WWOX: variants seen among roughly 807,000 people sequenced by gnomAD.
The protein encoded by WWOX is WW domain containing oxidoreductase.
A neutral mutation model predicts 46.2 loss-of-function variants in WWOX; 69 were observed. That is an observed-to-expected ratio of 1.49 (90% CI 1.23 to 1.82). The LOEUF (loss-of-function observed/expected upper bound fraction) is 1.82, where lower values mean the gene tolerates loss of function less well. WWOX is among the 40% of genes most tolerant of loss of function. WWOX has a pLI of 0.00. For synonymous variants in WWOX, 359 were observed against 202.6 expected, an observed-to-expected ratio of 1.77 and a Z score of -6.56; for missense variants, 919 against 542.6, an observed-to-expected ratio of 1.69 and a Z score of -6.89.
At chr16:78,106,099 G>T (rs1055761998) in intron 1 of WWOX, among the ~76,000 whole-genome samples, 3 of 152,182 alleles carry the variant, frequency 2.0e-5, no homozygotes, top group Admixed American at 6.5e-5. Flanking sequence ...ACCGTACCCC[G>T]CCACTCCATG....
chr16:78,791,813 G>A (rs949827118), intron 8 of WWOX, among the ~76,000 whole-genome samples: 3 of 152,150 alleles, frequency 2.0e-5, no homozygotes, highest in Non-Finnish European at 2.9e-5. Flanking sequence ...CGGAGAGGCA[G>A]AGGTTGCAGT....
At chr16:78,970,789 C>T (rs1346444615) in intron 8 of WWOX, among the ~76,000 whole-genome samples, 1 of 152,090 alleles carries the variant, frequency 6.6e-6, no homozygotes, top group Non-Finnish European at 1.5e-5. Flanking sequence ...GCAACTAAAC[C>T]CAGCTTTTGG....
intron 8 of WWOX, among the ~76,000 whole-genome samples, chr16:79,014,312 GGGGTGGTTCTGCT>G (rs1440170774): frequency 6.6e-6 from 1 of 152,146 alleles, no homozygotes; most frequent in Non-Finnish European, 1.5e-5. Context: ...ATGCTTTCCT[GGGGTGGTTCTGCT>G]GGCAGTCGGG....
chr16:79,132,945 C>T lies in WWOX; in HGVS notation c.1057-78663C>T, dbSNP rs943808672. On this transcript the variant is annotated intron_variant, in intron 8 of 8. Transcript: ENST00000566780. ...GGGGCTTCTTGGCTGATCTGAGTTTCGCCTCCTCGATCTTGCCTGGGTCTG... is the reference window on the plus strand; with the variant it reads ...GGGGCTTCTTGGCTGATCTGAGTTTTGCCTCCTCGATCTTGCCTGGGTCTG... Among the ~76,000 whole-genome samples the T allele has an allele frequency of 9.2e-5, 14 of 152,258 alleles. No individual in the cohort carries two copies. In the South Asian group the frequency reaches 1.9e-3, roughly 20 times the overall value.
At chr16:78,730,790 G>C (rs935545616) in intron 8 of WWOX, among the ~76,000 whole-genome samples, 1 of 151,912 alleles carries the variant, frequency 6.6e-6, no homozygotes, top group African/African-American at 2.4e-5. Flanking sequence ...GGAAAAAAAA[G>C]TGACACAGTT....
chr16:78,368,361 C>T (rs575059912), intron 5 of WWOX, among the ~76,000 whole-genome samples: 8 of 152,284 alleles, frequency 5.3e-5, no homozygotes, highest in African/African-American at 1.4e-4. Context: ...CCCACATGCC[C>T]TTCTGGGGGA....
chr16:78,229,472 C>CTATA (rs2037175486), intron 5 of WWOX, among the ~76,000 whole-genome samples: 1 of 145,034 alleles, frequency 6.9e-6, no homozygotes, highest in East Asian at 2.0e-4. Context: ...TTATCTCTCT[C>CTATA]TATATGTATA....
chr16:79,123,616 C>G (rs998847001), intron 8 of WWOX, among the ~76,000 whole-genome samples: 2 of 152,122 alleles, frequency 1.3e-5, no homozygotes, highest in African/African-American at 4.8e-5. Flanking sequence ...AGCCAGCAGT[C>G]AAAATAGTTT....
rs377484247 is a variant in WWOX, at chr16:78,213,887, G to C, written c.516+49598G>C. Among the ~76,000 whole-genome samples, 7 of 152,264 alleles carry C rather than the reference G, an allele frequency of 4.6e-5. No homozygotes were observed. The East Asian group carries it at 1.4e-3, about 30-fold the overall frequency. ...GACCTGAGGGCTTCTGGGGCCCCCA[G>C]GGCGGTTTCAGGAGGCTGTCTCCAG... On this transcript the variant is annotated intron_variant, in intron 5 of 8. Coordinates refer to ENST00000566780, the MANE Select transcript of WWOX (RefSeq NM_016373.4).
At chr16:78,911,400 T>C (rs1479473670) in intron 8 of WWOX, among the ~76,000 whole-genome samples, 3 of 152,098 alleles carry the variant, frequency 2.0e-5, no homozygotes, top group South Asian at 2.1e-4. Flanking sequence ...TTTCTTTTTC[T>C]TGATGGCCTG....
intron 8 of WWOX, among the ~76,000 whole-genome samples, chr16:78,902,548 G>C (rs1355742296): frequency 6.6e-6 from 1 of 152,202 alleles, no homozygotes; most frequent in Non-Finnish European, 1.5e-5. Context: ...TGACTGCTGC[G>C]GGGGCCTAGG....
At chr16:78,335,625 G>C (rs182501217) in intron 5 of WWOX, among the ~76,000 whole-genome samples, 45 of 152,260 alleles carry the variant, frequency 3.0e-4, no homozygotes, top group African/African-American at 1.0e-3. Flanking sequence ...AGAAATGATT[G>C]TATTATAAAG....
intron 5 of WWOX, among the ~76,000 whole-genome samples, chr16:78,356,122 GGTT>G (rs2081284309): frequency 2.7e-5 from 1 of 37,206 alleles, no homozygotes; most frequent in Non-Finnish European, 7.9e-5. Flanking sequence ...GGGAGGTGGA[GGTT>G]GCAGTGAGCC....
intron 8 of WWOX, among the ~76,000 whole-genome samples, chr16:78,944,264 C>G (rs1261747767): frequency 1.3e-5 from 2 of 152,126 alleles, no homozygotes; most frequent in Admixed American, 6.5e-5. Context: ...TAACTCTCCC[C>G]TACTTTATCA....
chr16:78,776,199 C>G lies in WWOX; in HGVS notation c.1056+343447C>G, dbSNP rs186854834. 6.0e-4 allele frequency among the ~76,000 whole-genome samples: 91 copies of G among 152,212 alleles called. 5 individuals are homozygous for G. In the East Asian group the frequency reaches 8.5e-3, roughly 14 times the overall value. On this transcript the variant is annotated intron_variant, in intron 8 of 8. Transcript: ENST00000566780. ...CTCAGAAGGATGTTTTCCAGTCTTT[C>G]TCTAGAAACAACTTTTGTGTCTAAG...
intron 4 of WWOX, among the ~76,000 whole-genome samples, chr16:78,127,083 G>A (rs2033393384): frequency 6.6e-6 from 1 of 152,158 alleles, no homozygotes; most frequent in Admixed American, 6.5e-5. Flanking sequence ...GGAAGCAGAC[G>A]TGACCTAGTT....
chr16:78,981,286 A>G (rs1475233373), intron 8 of WWOX, among the ~76,000 whole-genome samples: 1 of 152,078 alleles, frequency 6.6e-6, no homozygotes, highest in Non-Finnish European at 1.5e-5. Context: ...TGCCTGAGCC[A>G]TCTAATGATC....
intron 8 of WWOX, among the ~76,000 whole-genome samples, chr16:79,067,708 G>C (rs920231701): frequency 3.3e-5 from 5 of 152,128 alleles, no homozygotes; most frequent in Admixed American, 1.3e-4. Flanking sequence ...CCCGCAAGAA[G>C]GTAAACTCAT....
intron 8 of WWOX, among the ~76,000 whole-genome samples, chr16:79,139,022 T>A (rs2150711260): frequency 6.6e-6 from 1 of 152,272 alleles, no homozygotes; most frequent in South Asian, 2.1e-4. Flanking sequence ...CCTGAAATAT[T>A]ACAGAAACTG....
Sources: allele counts gnomAD v4.1 joint callset (sites outside exome capture counted in the v4.1 genomes callset), GRCh38; gene constraint gnomAD v4.1.1; transcripts MANE v1.5; gene names NCBI Gene and HGNC (gene_info 2026-07-23, HGNC 2026-07-21).